Variants in BIRC6 observed in about 807,000 individuals in gnomAD.
BIRC6 encodes baculoviral IAP repeat containing 6, also known as dual E2 ubiquitin-conjugating enzyme/E3 ubiquitin-protein ligase BIRC6.
In BIRC6, 98 loss-of-function variants were observed where a neutral mutation model predicts 503.3. That is an observed-to-expected ratio of 0.19 (90% CI 0.17 to 0.23). The LOEUF (loss-of-function observed/expected upper bound fraction) is 0.23. Among genes scored for constraint, BIRC6 ranks in the 10% least tolerant of loss-of-function variants. The probability of loss-of-function intolerance (pLI) is 1.00; values close to 1 mark genes in which losing one functional copy is unlikely to be tolerated. For missense variants in BIRC6, 5,360 were observed against 5,806.0 expected, an observed-to-expected ratio of 0.92 and a Z score of 2.50; for synonymous variants, 2,240 against 2,078.7, an observed-to-expected ratio of 1.08 and a Z score of -2.11.
Position 32,508,276 on chromosome 2 carries a change from C to CCTT in BIRC6, c.9980+17_9980+18insCTT. On this transcript the variant is annotated intron_variant, in intron 51 of 73. Coordinates refer to ENST00000421745, the MANE Select transcript of BIRC6 (RefSeq NM_016252.4). Reference sequence around the variant, plus strand: ...CAAAACAAGGTATGTTTTGTTTGTCCTTTTTTTTTTTTTTTTTTTTTTTTT... The same window carrying CCTT: ...CAAAACAAGGTATGTTTTGTTTGTCCCTTTTTTTTTTTTTTTTTTTTTTTTTTT... The CCTT allele has an allele frequency of 3.5e-6, 3 of 864,882 alleles. No individual in the cohort carries two copies. Among genetic ancestry groups the CCTT allele is most frequent in the Admixed American group, 7.0e-5 (1 of 14,316 alleles). 53.6% of individuals were successfully genotyped at this position (864,882 alleles called of 1,614,324 possible).
chr2:32,405,680 A>G (rs1329273731), intron 8 of BIRC6, among the ~76,000 whole-genome samples: 1 of 152,206 alleles, frequency 6.6e-6, no homozygotes, highest in Non-Finnish European at 1.5e-5. Context: ...AGGAGTTCTT[A>G]GCCTCTCCAA....
At chr2:32,536,465 T>A (rs1213766500) in intron 61 of BIRC6, among the ~76,000 whole-genome samples, 1 of 152,216 alleles carries the variant, frequency 6.6e-6, no homozygotes, top group Non-Finnish European at 1.5e-5. Context: ...CTTTGATGCA[T>A]CTTGAATTAA....
At chr2:32,531,700 C>T (rs2056767854) in intron 61 of BIRC6, 149 bp downstream of exon 61, 2 of 716,454 alleles carry the variant, frequency 2.8e-6, no homozygotes, top group Non-Finnish European at 4.5e-6. Context: ...TTTCAATGGT[C>T]AGTCTGTACA....
In BIRC6 at chr2:32,509,842, G is replaced by C. The variant is rs745326334; in HGVS notation, c.10085G>C (p.Cys3362Ser). 6 of 1,613,846 alleles carry C rather than the reference G, an allele frequency of 3.7e-6. No individual in the cohort carries two copies. Among genetic ancestry groups the C allele is most frequent in the East Asian group, 2.2e-5 (1 of 44,886 alleles). The change falls in exon 52 of 74, where the codon TGT becomes TCT. Residue 3362 changes from cysteine (C) to serine (S), a missense_variant. Coordinates refer to ENST00000421745, the MANE Select transcript of BIRC6 (RefSeq NM_016252.4). ...AAPTANLLQT[C>S]AALLMSPYCG... ...CCTACTGCTAATCTGCTGCAGACTT[G>C]TGCGGCCTTATTGATGTCACCTTAC... is the stretch of plus-strand genomic sequence containing the variant.
chr2:32,502,839 C>A lies in BIRC6; in HGVS notation c.9252C>A (p.Phe3084Leu). ...AGTTATCTGAGCCATTATTGTGGTT[C>A]ATTTTGAGAGTATTGGATACTAGTG... Reference protein sequence around the residue: ...TCQLSEPLLWFILRVLDTSDA... With the variant: ...TCQLSEPLLWLILRVLDTSDA... The change falls in exon 48 of 74, where the codon TTC (phenylalanine) becomes TTA (leucine). Residue 3084 changes from phenylalanine to leucine, a missense_variant. Coordinates refer to ENST00000421745, the MANE Select transcript of BIRC6 (RefSeq NM_016252.4). 1 of 1,612,712 alleles carries A rather than the reference C, an allele frequency of 6.2e-7. No individual in the cohort carries two copies. Among genetic ancestry groups the A allele is most frequent in the Non-Finnish European group, 8.5e-7 (1 of 1,179,472 alleles).
chr2:32,477,238 A>T, intron 34 of BIRC6, 130 bp from the exon 35 acceptor site: 1 of 740,336 alleles, frequency 1.4e-6, no homozygotes, highest in African/African-American at 1.8e-5. Flanking sequence ...TTTGAAACTT[A>T]CAGTGTATCT....
intron 66 of BIRC6, among the ~76,000 whole-genome samples, chr2:32,583,572 A>C (rs751579655): frequency 1.3e-5 from 2 of 152,194 alleles, no homozygotes; most frequent in Non-Finnish European, 2.9e-5. Context: ...AACACTTTGC[A>C]TTTTTTGAAC....
At position 32,445,613 on chromosome 2, in the gene BIRC6, G is replaced by T; in HGVS notation, c.4429G>T (p.Val1477Leu). Reference protein sequence around the residue: ...STACASLLTAVSRQLQDRLTP... With the variant: ...STACASLLTALSRQLQDRLTP... ...AGCTTGTGCATCTTTGCTTACTGCA[G>T]TGTCCAGACAGTTACAGGACAGGCT... Residue 1477 changes from valine to leucine, a missense_variant, in exon 21 of 74, where the codon GTG (valine) becomes TTG (leucine). Physicochemically the swap from Val to Leu is conservative, Grantham distance 32. Around this residue, in one of 16 missense-constraint regions of BIRC6, gnomAD observed 2,299 missense variants for 2,267.2 expected, o/e 1.01. Coordinates refer to ENST00000421745, the MANE Select transcript of BIRC6 (RefSeq NM_016252.4). 6.2e-7 allele frequency: 1 copy of T among 1,607,942 alleles called. No homozygotes were observed. Among genetic ancestry groups the T allele is most frequent in the Non-Finnish European group, 8.5e-7 (1 of 1,176,900 alleles).
At chr2:32,416,900 A>G (rs1333297438) in intron 10 of BIRC6, among the ~76,000 whole-genome samples, 2 of 148,650 alleles carry the variant, frequency 1.3e-5, no homozygotes, top group Non-Finnish European at 3.0e-5. Context: ...GCAGTGGCCC[A>G]ATCTCAGCTC....
chr2:32,450,645 GCACCTATTTTTC>G (rs2046605649), intron 22 of BIRC6, among the ~76,000 whole-genome samples: 1 of 151,980 alleles, frequency 6.6e-6, no homozygotes, highest in Admixed American at 6.6e-5. Flanking sequence ...TCACCATATG[GCACCTATTTTTC>G]CACCAGTGTA....
At chr2:32,569,783 A>G (rs1476201552) in intron 65 of BIRC6, among the ~76,000 whole-genome samples, 2 of 151,794 alleles carry the variant, frequency 1.3e-5, no homozygotes, top group African/African-American at 2.4e-5. Context: ...TATTAATCTT[A>G]TATCCTGAAT....
At chr2:32,468,340 A>G in intron 28 of BIRC6, 97 bp from the exon 29 acceptor site, 4 of 1,101,844 alleles carry the variant, frequency 3.6e-6, no homozygotes, top group African/African-American at 1.6e-5. Flanking sequence ...TAATGGTTGT[A>G]TGTTAACAGG....
In BIRC6 at chr2:32,481,384, A is replaced by G. The variant is rs752414266; in HGVS notation, c.7473A>G (p.Leu2491=). ...TTGACCTTGAGTTACTTCAGGATCT[A>G]ATGGAAGTTGACATTGATCCTTTAG... ...KEIDLELLQD[L]MEVDIDPLDI... is the part of the protein sequence containing the mutation. Residue 2491 remains leucine (L), a synonymous_variant, in exon 38 of 74, where the codon CTA becomes CTG. Transcript: ENST00000421745. The G allele has an allele frequency of 3.7e-6, 6 of 1,612,148 alleles. No individual in the cohort carries two copies. The highest frequency in any genetic ancestry group is 5.1e-6 in the Non-Finnish European group (6 of 1,178,866).
chr2:32,581,994 G>T (rs1195155670), intron 66 of BIRC6, among the ~76,000 whole-genome samples: 1 of 152,026 alleles, frequency 6.6e-6, no homozygotes, highest in Non-Finnish European at 1.5e-5. Context: ...CAGTAGCTGG[G>T]ATTAGAGGCC....
At chr2:32,575,482 C>CG (rs1294879633) in intron 66 of BIRC6, 116 bp downstream of exon 66, 8 of 916,300 alleles carry the variant, frequency 8.7e-6, no homozygotes, top group African/African-American at 3.3e-5. Flanking sequence ...TATACACCCT[C>CG]GGCTGGGTGC....
At chr2:32,617,357 C>T (rs774381751) in intron 73 of BIRC6, among the ~76,000 whole-genome samples, 5 of 151,980 alleles carry the variant, frequency 3.3e-5, no homozygotes, top group African/African-American at 1.2e-4. Context: ...GCTGAGATCG[C>T]GCCAGTGCAC....
intron 1 of BIRC6, among the ~76,000 whole-genome samples, chr2:32,369,940 AAAAAAATAT>A (rs1247391866): frequency 3.0e-3 from 149 of 50,084 alleles, no homozygotes; most frequent in African/African-American, 0.012. Flanking sequence ...AAAAAAAAAA[AAAAAAATAT>A]ATATATATAT....
At chr2:32,445,176 C>T (rs1264436904) in intron 20 of BIRC6, among the ~76,000 whole-genome samples, 1 of 152,190 alleles carries the variant, frequency 6.6e-6, no homozygotes, top group Non-Finnish European at 1.5e-5. Context: ...CTTCAGTCTC[C>T]TCACTTTTTC....
At chr2:32,385,307 G>A (rs994280654) in intron 3 of BIRC6, among the ~76,000 whole-genome samples, 5 of 152,200 alleles carry the variant, frequency 3.3e-5, no homozygotes, top group African/African-American at 1.2e-4. Context: ...GTGGGAGTAG[G>A]TATTGAATTC....
Sources: allele counts gnomAD v4.1 joint callset (sites outside exome capture counted in the v4.1 genomes callset), GRCh38; gene constraint gnomAD v4.1.1; regional missense constraint gnomAD v4.1.1; transcripts MANE v1.5; gene names NCBI Gene and HGNC (gene_info 2026-07-23, HGNC 2026-07-21).